PARD3B: variants seen among roughly 807,000 people sequenced by gnomAD.
PARD3B encodes the protein partitioning defective 3 homolog B.
In PARD3B, 103 loss-of-function variants were observed where a neutral mutation model predicts 130.2. The observed-to-expected ratio is 0.79, with a 90% CI of 0.67 to 0.93. The LOEUF is 0.93. PARD3B is among the 40% of genes least tolerant of loss of function. The probability of loss-of-function intolerance (pLI) is 0.00; values close to 1 mark genes in which losing one functional copy is unlikely to be tolerated. For missense variants in PARD3B, 1,609 were observed against 1,499.2 expected (o/e 1.07, Z -1.21); for synonymous variants, 583 against 553.2 (o/e 1.05, Z -0.76).
At chr2:205,549,592 A>G (rs1186156952) in intron 21 of PARD3B, among the ~76,000 whole-genome samples, 3 of 152,182 alleles carry the variant, frequency 2.0e-5, no homozygotes, top group African/African-American at 7.2e-5. Flanking sequence ...TTGACTATGA[A>G]AAGAGTAAAA....
At chr2:205,555,240 T>G (rs796859984) in intron 22 of PARD3B, among the ~76,000 whole-genome samples, 4 of 152,286 alleles carry the variant, frequency 2.6e-5, no homozygotes, top group African/African-American at 9.6e-5. Flanking sequence ...AAATAGCATT[T>G]AAAATTCTAT....
intron 2 of PARD3B, among the ~76,000 whole-genome samples, chr2:204,908,017 A>G (rs910699359): frequency 6.6e-6 from 1 of 152,074 alleles, no homozygotes; most frequent in Non-Finnish European, 1.5e-5. Context: ...AGTGTTTTTT[A>G]AGTTCCCTTC....
chr2:205,362,200 T>A (rs2044415046), intron 18 of PARD3B, among the ~76,000 whole-genome samples: 1 of 152,206 alleles, frequency 6.6e-6, no homozygotes, highest in African/African-American at 2.4e-5. Context: ...TTTTTCTGAC[T>A]TGACATACAA....
At chr2:205,286,987 G>A (rs1252217148) in intron 16 of PARD3B, among the ~76,000 whole-genome samples, 1 of 152,176 alleles carries the variant, frequency 6.6e-6, no homozygotes, top group African/African-American at 2.4e-5. Flanking sequence ...AGGGGTCAAG[G>A]TGAGCAAACC....
rs1323786921 is a variant in PARD3B, at chr2:205,258,651, C to G, written c.2185+12829C>G. On this transcript the variant is annotated intron_variant, in intron 16 of 22. Coordinates refer to ENST00000406610, the MANE Select transcript of PARD3B (RefSeq NM_001302769.2). The surrounding 1 kb of genome is among the most constrained non-coding windows in gnomAD (Gnocchi z 4.9). ...CACGGCAGGCATCCTTTACGTAGTACTTGCTAAATCTTTTTTCTTGATACG... is the reference window on the plus strand; with the variant it reads ...CACGGCAGGCATCCTTTACGTAGTAGTTGCTAAATCTTTTTTCTTGATACG... Among the ~76,000 whole-genome samples the G allele has an allele frequency of 6.6e-6, 1 of 152,138 alleles. No individual in the cohort carries two copies. Among genetic ancestry groups the G allele is most frequent in the Non-Finnish European group, 1.5e-5 (1 of 68,012 alleles).
At chr2:204,680,539 A>C (rs1414802375) in intron 1 of PARD3B, among the ~76,000 whole-genome samples, 1 of 150,714 alleles carries the variant, frequency 6.6e-6, no homozygotes, top group African/African-American at 2.4e-5. Context: ...TTTTTATTTC[A>C]TTGTTCTTTG....
intron 16 of PARD3B, among the ~76,000 whole-genome samples, chr2:205,294,666 A>G (rs1051486297): frequency 4.6e-5 from 7 of 152,178 alleles, no homozygotes; most frequent in Non-Finnish European, 1.0e-4. Flanking sequence ...ATGCAAATGT[A>G]TGAATCTTAA....
chr2:205,484,753 G>A (rs1035595239), intron 20 of PARD3B, among the ~76,000 whole-genome samples: 1 of 152,142 alleles, frequency 6.6e-6, no homozygotes, highest in African/African-American at 2.4e-5. Context: ...GCATTGTTAT[G>A]TGAAGTGCCA....
In PARD3B at chr2:205,477,145, G is replaced by A. The variant is rs1383123040; in HGVS notation, c.3045-22751G>A. ...GGACTTAATCCTGAACTCTGCAAAC[G>A]TTTCCTTTTGCACTTCAACCTCCAG... On this transcript the variant is annotated intron_variant, in intron 20 of 22. Transcript: ENST00000406610. Among the ~76,000 whole-genome samples, 8 of 152,230 alleles carry A rather than the reference G, an allele frequency of 5.3e-5. 1 individual carries two copies. The highest frequency in any genetic ancestry group is 4.6e-4 in the Admixed American group (7 of 15,282).
chr2:204,892,564 A>G (rs1559234361), intron 2 of PARD3B, among the ~76,000 whole-genome samples: 1 of 152,222 alleles, frequency 6.6e-6, no homozygotes, highest in Non-Finnish European at 1.5e-5. Context: ...AACTAAGAAA[A>G]GTGAAATCAT....
At chr2:204,999,214 A>G (rs548632106) in intron 3 of PARD3B, among the ~76,000 whole-genome samples, 315 of 152,150 alleles carry the variant, frequency 2.1e-3, no homozygotes, top group Admixed American at 1.8e-3. Flanking sequence ...CTAAAATCCA[A>G]TGGTCCTATA....
chr2:205,336,183 C>T (rs62171502), intron 18 of PARD3B, among the ~76,000 whole-genome samples: 5,192 of 152,236 alleles, frequency 0.034, 104 homozygotes, highest in Middle Eastern at 0.058. Context: ...GAATACTTCT[C>T]TAAGAACCAG....
At chr2:205,346,789 A>G (rs1001242767) in intron 18 of PARD3B, among the ~76,000 whole-genome samples, 32 of 152,216 alleles carry the variant, frequency 2.1e-4, no homozygotes, top group African/African-American at 7.5e-4. Context: ...GTCTCCACAC[A>G]GTCAGGGCCT....
At chr2:205,605,182 T>A (rs1232356678) in intron 22 of PARD3B, among the ~76,000 whole-genome samples, 1 of 152,238 alleles carries the variant, frequency 6.6e-6, no homozygotes, top group African/African-American at 2.4e-5. Context: ...AGTTTGTTAT[T>A]ACCCACCTTC....
At chr2:205,059,975 C>A (rs1471383709) in intron 4 of PARD3B, among the ~76,000 whole-genome samples, 2 of 151,992 alleles carry the variant, frequency 1.3e-5, no homozygotes, top group Non-Finnish European at 2.9e-5. Context: ...AGCTTTATTG[C>A]CTCCATTTTA....
Position 205,121,046 on chromosome 2 carries a change from C to T in PARD3B, c.807-545C>T, listed in dbSNP as rs2030645208. On this transcript the variant is annotated intron_variant, in intron 7 of 22. Coordinates refer to ENST00000406610, the MANE Select transcript of PARD3B (RefSeq NM_001302769.2). This position sits in a 1 kb window ranked among gnomAD's most constrained non-coding sequence, Gnocchi z 5.0. ...TTGAAATTCCACTGAGACATTTTGG[C>T]ACAGCCAAAGCACCTGCCAAAATGT... is the stretch of plus-strand genomic sequence containing the variant. Among the ~76,000 whole-genome samples the T allele has an allele frequency of 6.6e-6, 1 of 152,164 alleles. No individual in the cohort carries two copies. Among genetic ancestry groups the T allele is most frequent in the Admixed American group, 6.5e-5 (1 of 15,274 alleles).
intron 4 of PARD3B, among the ~76,000 whole-genome samples, chr2:205,096,882 C>T (rs1173731846): frequency 6.6e-6 from 1 of 152,102 alleles, no homozygotes; most frequent in African/African-American, 2.4e-5. Context: ...ACTTGATAGT[C>T]TTTCGTATAA....
chr2:205,242,162 T>TG (rs1400188997), intron 15 of PARD3B, among the ~76,000 whole-genome samples: 1 of 152,210 alleles, frequency 6.6e-6, no homozygotes, highest in Non-Finnish European at 1.5e-5. Flanking sequence ...TAGACATCTG[T>TG]GTCAGTGAAT....
Position 204,545,642 on chromosome 2 carries a change from G to A in PARD3B, c.-358G>A, listed in dbSNP as rs989267172. Among the ~76,000 whole-genome samples the A allele has an allele frequency of 6.6e-6, 1 of 151,932 alleles. No individual in the cohort carries two copies. ...GGCCAGGGCCAGGGCCAGGACCAGC[G>A]ACAGGGCAGGGCCGGCAGTTTCGCT... is the stretch of plus-strand genomic sequence containing the variant. On this transcript the variant is annotated 5_prime_UTR_variant, in exon 1 of 23. Coordinates refer to ENST00000406610, the MANE Select transcript of PARD3B (RefSeq NM_001302769.2).
Sources: gnomAD v4.1 joint callset for allele counts (sites outside exome capture counted in the v4.1 genomes callset) on GRCh38, gnomAD v4.1.1 for gene constraint, Gnocchi (gnomAD v3.1) non-coding constraint, MANE v1.5 for transcripts, NCBI Gene and HGNC (gene_info 2026-07-23, HGNC 2026-07-21) for gene names.